LDLRAD3: variants seen among roughly 807,000 people sequenced by gnomAD.
The protein encoded by LDLRAD3 is low-density lipoprotein receptor class A domain-containing protein 3.
A neutral mutation model predicts 29.4 loss-of-function variants in LDLRAD3; 20 were observed. That is an observed-to-expected ratio of 0.68 (90% CI 0.48 to 0.99). The LOEUF (loss-of-function observed/expected upper bound fraction) is 0.99. Ranked by LOEUF, LDLRAD3 falls within the 50% of genes least tolerant of loss-of-function variation. The probability of loss-of-function intolerance (pLI) is 0.00; values close to 1 mark genes in which losing one functional copy is unlikely to be tolerated. For missense variants in LDLRAD3, 420 were observed against 454.3 expected, an observed-to-expected ratio of 0.92 and a Z score of 0.69; for synonymous variants, 157 against 192.7, an observed-to-expected ratio of 0.81 and a Z score of 1.53.
At chr11:36,157,221 C>T (rs1854366991) in intron 4 of LDLRAD3, among the ~76,000 whole-genome samples, 1 of 152,186 alleles carries the variant, frequency 6.6e-6, no homozygotes, top group Non-Finnish European at 1.5e-5. Context: ...CCCCCGAAAC[C>T]ATCATAGAGG....
intron 1 of LDLRAD3, among the ~76,000 whole-genome samples, chr11:35,960,812 G>A (rs1012054663): frequency 2.6e-5 from 4 of 152,202 alleles, no homozygotes; most frequent in African/African-American, 9.6e-5. Flanking sequence ...GGCCAGGCTG[G>A]TCTTGAACTC....
chr11:36,153,452 G>C (rs1452563479), intron 4 of LDLRAD3, among the ~76,000 whole-genome samples: 1 of 152,058 alleles, frequency 6.6e-6, no homozygotes, highest in Non-Finnish European at 1.5e-5. Context: ...ACACAGTTGG[G>C]GGTATCTCTG....
At chr11:36,215,491 T>C (rs1303943146) in intron 4 of LDLRAD3, among the ~76,000 whole-genome samples, 1 of 152,098 alleles carries the variant, frequency 6.6e-6, no homozygotes, top group Non-Finnish European at 1.5e-5. Context: ...GACTGGGGAT[T>C]GGTTGAGGCT....
chr11:36,007,932 T>C (rs1851905377), intron 1 of LDLRAD3, among the ~76,000 whole-genome samples: 1 of 152,160 alleles, frequency 6.6e-6, no homozygotes, highest in South Asian at 2.1e-4. Context: ...TGAGTGAAGA[T>C]GAAATAAAGT....
Position 35,993,530 on chromosome 11 carries a change from A to T in LDLRAD3, c.47-42573A>T. On this transcript the variant is annotated intron_variant, in intron 1 of 5. Coordinates refer to ENST00000315571, the MANE Select transcript of LDLRAD3 (RefSeq NM_174902.4). ...CCTTCTGCTGAAAGTCAAATTTAAG[A>T]TAGGGGATCATAGAAAATGAAGAAA... Among the ~76,000 whole-genome samples the T allele has an allele frequency of 2.0e-5, 3 of 152,232 alleles. No homozygotes were observed. The South Asian group carries it at 6.2e-4, about 32-fold the overall frequency.
intron 4 of LDLRAD3, among the ~76,000 whole-genome samples, chr11:36,167,186 G>A (rs937035197): frequency 1.3e-5 from 2 of 152,194 alleles, no homozygotes; most frequent in African/African-American, 4.8e-5. Context: ...AGATGTTGCA[G>A]TCTTGAGTCA....
intron 4 of LDLRAD3, among the ~76,000 whole-genome samples, chr11:36,199,713 G>A (rs1855094327): frequency 6.6e-6 from 1 of 152,238 alleles, no homozygotes; most frequent in Admixed American, 6.5e-5. Context: ...GTCATAAAGA[G>A]TTGTCTTCTC....
intron 3 of LDLRAD3, among the ~76,000 whole-genome samples, chr11:36,093,058 T>C (rs1383110858): frequency 6.6e-6 from 1 of 152,204 alleles, no homozygotes. Context: ...TGAGCAACTA[T>C]GCCCCTGAGT....
At chr11:35,987,003 A>G (rs1203070042) in intron 1 of LDLRAD3, among the ~76,000 whole-genome samples, 1 of 152,220 alleles carries the variant, frequency 6.6e-6, no homozygotes, top group Non-Finnish European at 1.5e-5. Flanking sequence ...GCACTCAGCA[A>G]AGGTTAGTTG....
intron 4 of LDLRAD3, among the ~76,000 whole-genome samples, chr11:36,122,597 C>A (rs1853775526): frequency 6.6e-6 from 1 of 152,184 alleles, no homozygotes; most frequent in Non-Finnish European, 1.5e-5. Flanking sequence ...TAAGCAGGAA[C>A]TGTTTTAGGT....
intron 2 of LDLRAD3, among the ~76,000 whole-genome samples, chr11:36,077,872 C>A (rs1853041463): frequency 6.6e-6 from 1 of 152,200 alleles, no homozygotes; most frequent in African/African-American, 2.4e-5. Context: ...TGTGTTATAG[C>A]TCTTTTAGCC....
chr11:36,018,982 G>GA (rs955510548), intron 1 of LDLRAD3, among the ~76,000 whole-genome samples: 33 of 150,918 alleles, frequency 2.2e-4, no homozygotes, highest in African/African-American at 7.3e-4. Context: ...CACACATTTA[G>GA]AAAAAAAAAT....
intron 4 of LDLRAD3, among the ~76,000 whole-genome samples, chr11:36,119,318 G>T (rs1311945212): frequency 6.6e-6 from 1 of 152,120 alleles, no homozygotes; most frequent in Non-Finnish European, 1.5e-5. Context: ...CATTTCTCAT[G>T]AGTTTATACC....
chr11:35,995,006 A>C (rs553513280), intron 1 of LDLRAD3, among the ~76,000 whole-genome samples: 3 of 152,286 alleles, frequency 2.0e-5, no homozygotes, highest in African/African-American at 7.2e-5. Flanking sequence ...CCTAAAAGTC[A>C]TTTGTGAGGG....
intron 4 of LDLRAD3, among the ~76,000 whole-genome samples, chr11:36,193,391 T>A (rs1025864254): frequency 6.6e-6 from 1 of 152,206 alleles, no homozygotes. Context: ...CTGCTGTAGC[T>A]CATCCTGCAT....
At chr11:36,215,181 C>G (rs951097072) in intron 4 of LDLRAD3, among the ~76,000 whole-genome samples, 4 of 152,092 alleles carry the variant, frequency 2.6e-5, no homozygotes, top group African/African-American at 7.2e-5. Context: ...GTTCCAGAAC[C>G]ACATCAAGGA....
At chr11:36,056,464 G>A (rs955823852) in intron 2 of LDLRAD3, among the ~76,000 whole-genome samples, 4 of 152,150 alleles carry the variant, frequency 2.6e-5, no homozygotes, top group Admixed American at 6.5e-5. Flanking sequence ...AGGCACTTGG[G>A]TGGCCTAGCC....
intron 4 of LDLRAD3, among the ~76,000 whole-genome samples, chr11:36,100,532 C>T (rs754812752): frequency 1.5e-4 from 23 of 152,260 alleles, no homozygotes; most frequent in African/African-American, 4.6e-4. Flanking sequence ...CTCTGCCTCC[C>T]GGGTTCAAGC....
intron 1 of LDLRAD3, among the ~76,000 whole-genome samples, chr11:35,977,040 A>G (rs1851485610): frequency 6.6e-6 from 1 of 152,214 alleles, no homozygotes. Flanking sequence ...CCTTATTAGA[A>G]TGAAAACTGC....
Sources: gnomAD v4.1 joint callset for allele counts (sites outside exome capture counted in the v4.1 genomes callset) on GRCh38, gnomAD v4.1.1 for gene constraint, MANE v1.5 for transcripts, NCBI Gene and HGNC (gene_info 2026-07-23, HGNC 2026-07-21) for gene names.